Variants in HAAO observed in about 807,000 individuals in gnomAD.
HAAO encodes the protein 3-hydroxyanthranilate 3,4-dioxygenase, also known as 3-hydroxyanthranilate oxygenase.
In HAAO, 49 loss-of-function variants were observed where a neutral mutation model predicts 46.2. The observed-to-expected ratio is 1.06, with a 90% CI of 0.84 to 1.34. The LOEUF is 1.34. Among genes scored for constraint, HAAO ranks in the 40% most tolerant of loss-of-function variants. The pLI is 0.00. For synonymous variants in HAAO, 157 were observed against 145.2 expected, an observed-to-expected ratio of 1.08 and a Z score of -0.58; for missense variants, 408 against 364.5, an observed-to-expected ratio of 1.12 and a Z score of -0.97.
At chr2:42,772,355 T>C (rs1033014350) in intron 4 of HAAO, among the ~76,000 whole-genome samples, 1 of 151,780 alleles carries the variant, frequency 6.6e-6, no homozygotes, top group Admixed American at 6.6e-5. Context: ...GTGGTGCATG[T>C]CTGTAATCCC....
chr2:42,792,490 C>G lies in HAAO; in HGVS notation c.47G>C (p.Gly16Ala), dbSNP rs750070843. The G allele has an allele frequency of 5.7e-6, 9 of 1,591,808 alleles. No homozygotes were observed. The highest frequency in any genetic ancestry group is 7.7e-6 in the Non-Finnish European group (9 of 1,169,796). Reference sequence around the variant, plus strand: ...GTTGCAGACCGGGGGCTGGAAGGAGCCCCGGTTCTCCTTCACCCAGGCCCT... The same window carrying G: ...GTTGCAGACCGGGGGCTGGAAGGAGGCCCGGTTCTCCTTCACCCAGGCCCT... ...GVRAWVKENR[G>A]SFQPPVCNKL... Residue 16 changes from glycine (G) to alanine (A), a missense_variant, in exon 1 of 10, where the codon GGC becomes GCC. Physicochemically the swap from Gly to Ala is moderately conservative, Grantham distance 60 (BLOSUM62 0). Coordinates refer to ENST00000294973, the MANE Select transcript of HAAO (RefSeq NM_012205.3).
chr2:42,768,014 G>C (rs1480578484), intron 7 of HAAO, 86 bp from the exon 8 acceptor site: 1 of 1,194,130 alleles, frequency 8.4e-7, no homozygotes, highest in Non-Finnish European at 1.2e-6. Context: ...CACCAGGCCT[G>C]CTTGGAGCAG....
At chr2:42,770,274 G>C in intron 5 of HAAO, 88 bp from the exon 6 acceptor site, 1 of 1,141,618 alleles carries the variant, frequency 8.8e-7, no homozygotes, top group East Asian at 2.6e-5. Flanking sequence ...CTCACGGTCA[G>C]GTGCAGGTGC....
intron 3 of HAAO, 127 bp downstream of exon 3, chr2:42,783,657 G>A (rs1672174892): frequency 8.6e-6 from 7 of 813,434 alleles, no homozygotes; most frequent in Non-Finnish European, 1.4e-5. Context: ...GGTTGGCAGG[G>A]GAAGGTGTGG....
chr2:42,780,583 G>C (rs1201705811), intron 4 of HAAO, among the ~76,000 whole-genome samples: 1 of 152,024 alleles, frequency 6.6e-6, no homozygotes, highest in Non-Finnish European at 1.5e-5. Context: ...AAACTTTCAG[G>C]ACTCTCATGG....
chr2:42,769,649 G>T, intron 7 of HAAO, 64 bp downstream of exon 7: 2 of 1,422,682 alleles, frequency 1.4e-6, no homozygotes, highest in South Asian at 1.3e-5. Flanking sequence ...GTGAGAGAGA[G>T]ACTGGTTCCC....
chr2:42,792,560 A>C lies in HAAO; in HGVS notation c.-24T>G, dbSNP rs760331125. ...ATGACTGTCCCGGGCGCCTCCTCGCAGCGCTGTCCTCCCGCCGTCGGAGGC... is the reference window on the plus strand; with the variant it reads ...ATGACTGTCCCGGGCGCCTCCTCGCCGCGCTGTCCTCCCGCCGTCGGAGGC... On this transcript the variant is annotated 5_prime_UTR_variant, in exon 1 of 10. Transcript: ENST00000294973. The C allele has an allele frequency of 1.3e-6, 2 of 1,512,746 alleles. No homozygotes were observed. Among genetic ancestry groups the C allele is most frequent in the Non-Finnish European group, 8.8e-7 (1 of 1,131,058 alleles). 93.7% of individuals were successfully genotyped at this position (1,512,746 alleles called of 1,614,324 possible). A position where few individuals can be genotyped will look rare whatever the true frequency, so the allele number is the denominator to read the frequency against.
At chr2:42,791,518 G>A (rs965496639) in intron 1 of HAAO, among the ~76,000 whole-genome samples, 4 of 152,154 alleles carry the variant, frequency 2.6e-5, no homozygotes, top group African/African-American at 9.7e-5. Context: ...AAGAGTGTGC[G>A]TGGACTCTGG....
At chr2:42,768,186 C>G (rs1210886619) in intron 7 of HAAO, among the ~76,000 whole-genome samples, 1 of 152,228 alleles carries the variant, frequency 6.6e-6, no homozygotes, top group Non-Finnish European at 1.5e-5. Context: ...CGTGGTCCCT[C>G]TGATGTGTGC....
chr2:42,781,966 T>G (rs1156506809), intron 4 of HAAO, among the ~76,000 whole-genome samples: 1 of 152,198 alleles, frequency 6.6e-6, no homozygotes, highest in African/African-American at 2.4e-5. Flanking sequence ...TTGTCTTTAG[T>G]AAAAAGGGGA....
chr2:42,778,785 G>C (rs553703017), intron 4 of HAAO, among the ~76,000 whole-genome samples: 106 of 152,286 alleles, frequency 7.0e-4, no homozygotes, highest in Non-Finnish European at 7.8e-4. Flanking sequence ...GGGCATGGGA[G>C]ACTGTAAGGA....
intron 2 of HAAO, among the ~76,000 whole-genome samples, chr2:42,784,893 A>G (rs915709842): frequency 2.6e-5 from 4 of 152,192 alleles, no homozygotes; most frequent in African/African-American, 9.7e-5. Flanking sequence ...CAGGACCCTT[A>G]GTGCTAAAAC....
chr2:42,784,537 C>G (rs540606203), intron 2 of HAAO, among the ~76,000 whole-genome samples: 784 of 60,958 alleles, frequency 0.013, no homozygotes, highest in African/African-American at 0.016. Flanking sequence ...GTGGGGGGGG[C>G]GGGGGGGGGG....
At chr2:42,771,475 A>G (rs1468255746) in intron 4 of HAAO, among the ~76,000 whole-genome samples, 1 of 151,038 alleles carries the variant, frequency 6.6e-6, no homozygotes, top group Non-Finnish European at 1.5e-5. Context: ...GCCAACACGC[A>G]GAAGATGTCC....
intron 1 of HAAO, among the ~76,000 whole-genome samples, chr2:42,789,582 A>AATAT (rs886533742): frequency 1.3e-5 from 2 of 152,004 alleles, no homozygotes; most frequent in African/African-American, 4.8e-5. Context: ...TAAATAAATA[A>AATAT]ATAAATAAAC....
At chr2:42,768,069 G>T (rs1395954064) in intron 7 of HAAO, 141 bp from the exon 8 acceptor site, 5 of 700,508 alleles carry the variant, frequency 7.1e-6, no homozygotes, top group Non-Finnish European at 1.2e-5. Flanking sequence ...GCTGAGCAGA[G>T]ACCAGGACTT....
intron 6 of HAAO, 80 bp downstream of exon 6, chr2:42,770,063 C>T (rs1670988143): frequency 7.3e-7 from 1 of 1,365,120 alleles, no homozygotes; most frequent in African/African-American, 1.4e-5. Flanking sequence ...AAAAGAGACT[C>T]CCCGGTCCCC....
rs534302281 is a variant in HAAO, at chr2:42,767,595, G to A, written c.782C>T (p.Ser261Leu). The change falls in exon 9 of 10, where the codon TCG becomes TTG. Residue 261 changes from serine to leucine, a missense_variant and splice_region_variant. Coordinates refer to ENST00000294973, the MANE Select transcript of HAAO (RefSeq NM_012205.3). ...GGGAAAGCCCTCCCTGCGTACTCAC[G>A]AGGTCCCAGCTAGCACCAGGAGGCT... ...DDSLLVLAGTSYAWERTQGSV... is the reference protein window; with the variant it reads ...DDSLLVLAGTLYAWERTQGSV... The A allele has an allele frequency of 5.1e-4, 804 of 1,577,264 alleles. 5 individuals carry two copies. The highest frequency in any genetic ancestry group is 3.4e-3 in the South Asian group (295 of 86,646).
intron 1 of HAAO, chr2:42,789,267 C>T (rs1378093675): frequency 6.6e-6 from 1 of 152,454 alleles, no homozygotes; most frequent in Non-Finnish European, 1.5e-5. Flanking sequence ...ATAGTAAGCA[C>T]TATTTAAGTA....
Sources: allele counts gnomAD v4.1 joint callset (sites outside exome capture counted in the v4.1 genomes callset), GRCh38; gene constraint gnomAD v4.1.1; transcripts MANE v1.5; gene names NCBI Gene and HGNC (gene_info 2026-07-23, HGNC 2026-07-21).